The following AGBL3 variants were observed in gnomAD, a reference collection of about 807,000 sequenced individuals.
AGBL3 encodes cytosolic carboxypeptidase 3.
Under a neutral mutation model 94.5 loss-of-function variants are expected in AGBL3, and 68 were observed. The ratio of observed to expected loss-of-function variants is 0.72; its 90% CI spans 0.59 to 0.88. The LOEUF (loss-of-function observed/expected upper bound fraction) is 0.88. AGBL3 is among the 40% of genes least tolerant of loss of function. AGBL3 has a pLI of 0.00. For missense variants in AGBL3, 934 were observed against 1,103.8 expected (o/e 0.85, Z 2.18); for synonymous variants, 354 against 370.7 (o/e 0.95, Z 0.52).
intron 4 of AGBL3, among the ~76,000 whole-genome samples, chr7:134,995,719 C>A (rs890150293): frequency 6.6e-6 from 1 of 152,208 alleles, no homozygotes; most frequent in Non-Finnish European, 1.5e-5. Flanking sequence ...GCATACGTTT[C>A]CCAAGATCCC....
chr7:135,109,237 TGAAGGACATAA>T (rs1825239010), intron 15 of AGBL3, among the ~76,000 whole-genome samples: 1 of 152,240 alleles, frequency 6.6e-6, no homozygotes, highest in Non-Finnish European at 1.5e-5. Context: ...TGCAGTCATT[TGAAGGACATAA>T]GACACTTGGG....
chr7:135,043,381 G>A (rs1817049116), intron 8 of AGBL3, among the ~76,000 whole-genome samples: 1 of 152,124 alleles, frequency 6.6e-6, no homozygotes, highest in Admixed American at 6.6e-5. Context: ...TCACTTATTT[G>A]TGGGAGCTAA....
chr7:135,034,337 C>G lies in AGBL3; in HGVS notation c.746C>G (p.Ala249Gly). The change falls in exon 7 of 17, where the codon GCC (alanine) becomes GGC (glycine). Residue 249 changes from alanine (A) to glycine (G), a missense_variant. By Grantham distance (60) the Ala-to-Gly change is moderately conservative. This residue lies in a region of AGBL3 where 488 missense variants were observed against 563.6 expected (regional missense o/e 0.87). Transcript: ENST00000436302. ...MRPLFYSEKE[A>G]KAHHIGWQRI... Reference sequence around the variant, plus strand: ...CCACTGTTCTATTCTGAAAAAGAGGCCAAGGCTCATCACATTGGCTGGCAG... The same window carrying G: ...CCACTGTTCTATTCTGAAAAAGAGGGCAAGGCTCATCACATTGGCTGGCAG... 1.9e-6 allele frequency: 3 copies of G among 1,551,626 alleles called. No individual in the cohort carries two copies. Among genetic ancestry groups the G allele is most frequent in the Non-Finnish European group, 2.6e-6 (3 of 1,146,970 alleles).
At chr7:135,108,276 T>C (rs1250121300) in intron 15 of AGBL3, among the ~76,000 whole-genome samples, 1 of 152,224 alleles carries the variant, frequency 6.6e-6, no homozygotes, top group African/African-American at 2.4e-5. Flanking sequence ...CTGTTTATTA[T>C]GCTGGCTGGC....
intron 4 of AGBL3, among the ~76,000 whole-genome samples, chr7:135,002,948 A>G (rs1209590848): frequency 6.6e-6 from 1 of 152,172 alleles, no homozygotes; most frequent in African/African-American, 2.4e-5. Context: ...CTTTCTGCCT[A>G]TGCAGGAGAT....
In AGBL3 at chr7:135,037,491, TATGGCTGTG is replaced by T; in HGVS notation, c.1416_1424del (p.Cys473_Gly475del). The T allele has an allele frequency of 6.5e-7, 1 of 1,550,314 alleles. No individual in the cohort carries two copies. Among genetic ancestry groups the T allele is most frequent in the Non-Finnish European group, 8.7e-7 (1 of 1,146,178 alleles). On this transcript the variant is annotated inframe_deletion, in exon 8 of 17. Coordinates refer to ENST00000436302, the MANE Select transcript of AGBL3 (RefSeq NM_178563.4). ...TAGTAGGAAAGAGAACATCTTCATG[TATGGCTGTG>T]ATGGTAGTGACAGATCTAAGACATT...
At chr7:135,120,993 C>T (rs566788124) in intron 16 of AGBL3, among the ~76,000 whole-genome samples, 1 of 152,192 alleles carries the variant, frequency 6.6e-6, no homozygotes, top group African/African-American at 2.4e-5. Context: ...TACCTGAGGT[C>T]GGGAGTTTGA....
chr7:135,041,729 C>G (rs577928077), intron 8 of AGBL3, among the ~76,000 whole-genome samples: 45 of 152,254 alleles, frequency 3.0e-4, no homozygotes, highest in Middle Eastern at 3.4e-3. Flanking sequence ...TCCTTTTGCT[C>G]TCTTAAAGAT....
Position 135,032,977 on chromosome 7 carries a change from C to A in AGBL3, c.552C>A (p.Val184=). The A allele has an allele frequency of 1.3e-6, 2 of 1,546,794 alleles. No individual in the cohort carries two copies. Among genetic ancestry groups the A allele is most frequent in the South Asian group, 1.2e-5 (1 of 82,948 alleles). ...RFESGNLQKV[V]KVAEYEYQLT... ...AGAGTGGTAATCTACAGAAGGTAGT[C>A]AAAGTGTAGGTTCTAATTATTTTTA... Residue 184 remains valine (V), a synonymous_variant, in exon 6 of 17, where the codon GTC becomes GTA. Coordinates refer to ENST00000436302, the MANE Select transcript of AGBL3 (RefSeq NM_178563.4).
chr7:135,081,219 T>A (rs1348267499), intron 14 of AGBL3, among the ~76,000 whole-genome samples: 3 of 152,090 alleles, frequency 2.0e-5, no homozygotes, highest in Non-Finnish European at 2.9e-5. Context: ...AACATTACAT[T>A]TTAGAATATT....
At chr7:135,065,964 A>T (rs1819256093) in intron 12 of AGBL3, among the ~76,000 whole-genome samples, 1 of 152,204 alleles carries the variant, frequency 6.6e-6, no homozygotes, top group Non-Finnish European at 1.5e-5. Context: ...TATACTACAC[A>T]CAAAAAGTCA....
chr7:135,009,956 G>A, intron 4 of AGBL3: 1 of 418,806 alleles, frequency 2.4e-6, no homozygotes, highest in South Asian at 1.7e-5. Flanking sequence ...TTCTATGGTG[G>A]GTTGGCGAAA....
chr7:135,091,607 T>TA (rs1489686254), intron 15 of AGBL3, among the ~76,000 whole-genome samples: 1 of 152,150 alleles, frequency 6.6e-6, no homozygotes, highest in Non-Finnish European at 1.5e-5. Context: ...CTCTGAGAAA[T>TA]AAAAAATTTT....
chr7:135,132,598 C>T (rs914491699), intron 16 of AGBL3, among the ~76,000 whole-genome samples: 6 of 152,160 alleles, frequency 3.9e-5, no homozygotes, highest in Admixed American at 2.0e-4. Context: ...ATAATCCCCA[C>T]GTGTCAAGGC....
At chr7:135,098,689 T>C (rs1001968071) in intron 15 of AGBL3, among the ~76,000 whole-genome samples, 4 of 152,196 alleles carry the variant, frequency 2.6e-5, no homozygotes, top group African/African-American at 4.8e-5. Flanking sequence ...ATACACTGTT[T>C]AATCACTACA....
chr7:135,015,182 T>C (rs1563184816), intron 4 of AGBL3, among the ~76,000 whole-genome samples: 1 of 152,222 alleles, frequency 6.6e-6, no homozygotes, highest in Non-Finnish European at 1.5e-5. Context: ...TTGCTTACTA[T>C]AGAATACTCA....
chr7:135,042,067 A>G (rs1816907463), intron 8 of AGBL3, among the ~76,000 whole-genome samples: 1 of 152,190 alleles, frequency 6.6e-6, no homozygotes, highest in South Asian at 2.1e-4. Context: ...CTCATACTAT[A>G]CATTTTTGTT....
At chr7:135,018,259 G>A (rs1814033204) in intron 5 of AGBL3, among the ~76,000 whole-genome samples, 1 of 152,158 alleles carries the variant, frequency 6.6e-6, no homozygotes, top group South Asian at 2.1e-4. Flanking sequence ...AACAACTGTA[G>A]CTTTTAGTAA....
At chr7:135,130,265 A>C (rs1310285870) in intron 16 of AGBL3, among the ~76,000 whole-genome samples, 1 of 152,212 alleles carries the variant, frequency 6.6e-6, no homozygotes, top group Non-Finnish European at 1.5e-5. Flanking sequence ...TGTCATTTTG[A>C]CCTGCTTTTC....
Sources: allele counts gnomAD v4.1 joint callset (sites outside exome capture counted in the v4.1 genomes callset), GRCh38; gene constraint gnomAD v4.1.1; regional missense constraint gnomAD v4.1.1; transcripts MANE v1.5; gene names NCBI Gene and HGNC (gene_info 2026-07-23, HGNC 2026-07-21).